Variants in SERINC2 observed in about 807,000 individuals in gnomAD.
SERINC2 encodes serine incorporator 2, also known as tumor differentially expressed protein 2.
In SERINC2, 56 loss-of-function variants were observed where a neutral mutation model predicts 54.2. That is an observed-to-expected ratio of 1.03 (90% CI 0.83 to 1.29). SERINC2 has a LOEUF of 1.29. Among genes scored for constraint, SERINC2 ranks in the 50% most tolerant of loss-of-function variants. SERINC2 has a pLI of 0.00. For missense variants in SERINC2, 614 were observed against 607.4 expected, an observed-to-expected ratio of 1.01 and a Z score of -0.12; for synonymous variants, 272 against 253.1, an observed-to-expected ratio of 1.07 and a Z score of -0.71.
At chr1:31,432,057 C>G (rs797034693) in intron 8 of SERINC2, among the ~76,000 whole-genome samples, 519 of 15,938 alleles carry the variant, frequency 0.033, 2 homozygotes, top group East Asian at 0.061. Context: ...ACAGGGTGGA[C>G]AGGGTGGACA....
chr1:31,429,212 G>A, intron 7 of SERINC2, 144 bp downstream of exon 7: 2 of 990,150 alleles, frequency 2.0e-6, no homozygotes, highest in Non-Finnish European at 3.1e-6. Flanking sequence ...GAGATGGGAG[G>A]GCCCCGTCTG....
chr1:31,422,218 G>A (rs1400556260), intron 1 of SERINC2, among the ~76,000 whole-genome samples: 5 of 151,048 alleles, frequency 3.3e-5, no homozygotes, highest in African/African-American at 9.7e-5. Context: ...AGGATGGCTT[G>A]AGCCCAGGAG....
intron 8 of SERINC2, among the ~76,000 whole-genome samples, chr1:31,431,823 T>TGGAC (rs1557499937): frequency 3.5e-5 from 1 of 28,450 alleles, no homozygotes; most frequent in Admixed American, 4.4e-4. Flanking sequence ...ACAGGGTGGA[T>TGGAC]AGGGTGGATA....
At chr1:31,427,782 T>A (rs547555291) in intron 6 of SERINC2, among the ~76,000 whole-genome samples, 21 of 151,182 alleles carry the variant, frequency 1.4e-4, no homozygotes, top group Non-Finnish European at 2.8e-4. Context: ...CCAGGCAGGC[T>A]GGCTCCAGAG....
chr1:31,423,854 G>A lies in SERINC2; in HGVS notation c.201G>A (p.Lys67=). 1 of 1,613,646 alleles carries A rather than the reference G, an allele frequency of 6.2e-7. No individual in the cohort carries two copies. Among genetic ancestry groups the A allele is most frequent in the Non-Finnish European group, 8.5e-7 (1 of 1,179,776 alleles). ...LSPGVESQLY[K]LPWVCEEGAG... ...CGGGCGTGGAGAGTCAGCTCTACAA[G>A]GTGAGTGCCCCAGGGGAGGCAGGGC... Residue 67 remains lysine, a splice_region_variant and synonymous_variant, in exon 2 of 10, where the codon AAG becomes AAA. Transcript: ENST00000373709.
intron 6 of SERINC2, 57 bp from the exon 7 acceptor site, chr1:31,428,921 G>C (rs767668320): frequency 4.8e-5 from 67 of 1,407,756 alleles, no homozygotes; most frequent in Non-Finnish European, 6.2e-5. Flanking sequence ...TGAGTGGGCT[G>C]GGTGGGGTGG....
chr1:31,423,158 G>A (rs76498600), intron 1 of SERINC2, among the ~76,000 whole-genome samples: 1 of 152,158 alleles, frequency 6.6e-6, no homozygotes. Flanking sequence ...AGCGGAGGCC[G>A]ACAAAACATA....
At chr1:31,425,713 C>T in intron 4 of SERINC2, 63 bp from the exon 5 acceptor site, 1 of 1,577,500 alleles carries the variant, frequency 6.3e-7, no homozygotes, top group South Asian at 1.2e-5. Context: ...GCAGAAAACG[C>T]TTGTTGAACG....
upstream of SERINC2, among the ~76,000 whole-genome samples, chr1:31,410,625 A>G (rs1232473467): frequency 1.3e-5 from 2 of 152,198 alleles, no homozygotes; most frequent in Non-Finnish European, 2.9e-5. Context: ...CTTATTTCTG[A>G]GAGTGTCTTT....
intron 6 of SERINC2, among the ~76,000 whole-genome samples, chr1:31,428,319 C>T (rs1278828933): frequency 1.3e-5 from 2 of 152,206 alleles, no homozygotes; most frequent in Non-Finnish European, 2.9e-5. Context: ...GGATTACAGG[C>T]ATGAGCCGCC....
At chr1:31,426,524 T>C in intron 5 of SERINC2, 130 bp from the exon 6 acceptor site, 1 of 688,962 alleles carries the variant, frequency 1.5e-6, no homozygotes, top group Non-Finnish European at 2.4e-6. Flanking sequence ...GGCAGTGACG[T>C]CATTCTTCAA....
At position 31,424,715 on chromosome 1, in the gene SERINC2, C is replaced by A; in HGVS notation, c.234C>A (p.Ile78=). The change falls in exon 3 of 10, where the codon ATC becomes ATA. Residue 78 remains isoleucine (I), a synonymous_variant. Transcript: ENST00000373709. Reference sequence around the variant, plus strand: ...GGGTGTGTGAGGAGGGGGCCGGGATCCCCACCGTCCTGCAGGGCCACATCG... The same window carrying A: ...GGGTGTGTGAGGAGGGGGCCGGGATACCCACCGTCCTGCAGGGCCACATCG... ...LPWVCEEGAG[I]PTVLQGHIDC... 1 of 1,606,358 alleles carries A rather than the reference C, an allele frequency of 6.2e-7. No individual in the cohort carries two copies. Among genetic ancestry groups the A allele is most frequent in the Admixed American group, 1.7e-5 (1 of 58,828 alleles).
Position 31,423,858 on chromosome 1 carries a change from A to C in SERINC2, c.201+4A>C. 1 of 1,613,412 alleles carries C rather than the reference A, an allele frequency of 6.2e-7. No individual in the cohort carries two copies. Among genetic ancestry groups the C allele is most frequent in the Non-Finnish European group, 8.5e-7 (1 of 1,179,648 alleles). On this transcript the variant is annotated splice_donor_region_variant and intron_variant, in intron 2 of 9. Transcript: ENST00000373709. ...CGTGGAGAGTCAGCTCTACAAGGTG[A>C]GTGCCCCAGGGGAGGCAGGGCGGCC...
intron 6 of SERINC2, among the ~76,000 whole-genome samples, chr1:31,428,189 G>A (rs1553133891): frequency 2.6e-5 from 4 of 152,070 alleles, no homozygotes; most frequent in African/African-American, 4.8e-5. Flanking sequence ...ACAGGCACCC[G>A]CCACCACACC....
At position 31,426,843 on chromosome 1, in the gene SERINC2, C is replaced by G. The variant is rs529163504; in HGVS notation, c.780+20C>G. 2.1e-5 allele frequency: 33 copies of G among 1,608,166 alleles called. No individual in the cohort carries two copies. The highest frequency in any genetic ancestry group is 8.9e-5 in the East Asian group (4 of 44,742). On this transcript the variant is annotated intron_variant, in intron 6 of 9. Transcript: ENST00000373709. ...GTCCAGGTGAGCCTGCCTGACCCCC[C>G]CTGGCCTGAAGCCCGGCCCCTTAGT...
At chr1:31,433,929 G>A in intron 9 of SERINC2, 135 bp from the exon 10 acceptor site, 2 of 869,226 alleles carry the variant, frequency 2.3e-6, no homozygotes, top group Admixed American at 2.2e-5. Context: ...TGTTAAAAAT[G>A]TCAGAGATGG....
intron 8 of SERINC2, among the ~76,000 whole-genome samples, chr1:31,432,514 A>G (rs1285681624): frequency 2.6e-5 from 4 of 152,110 alleles, no homozygotes; most frequent in African/African-American, 9.7e-5. Flanking sequence ...TCAATGGCAA[A>G]TGAGCGTGAT....
rs201577467 is a variant in SERINC2 at position 31,425,423 on chromosome 1, G to A, written c.472+14G>A. 211 of 1,587,434 alleles carry A rather than the reference G, an allele frequency of 1.3e-4. No homozygotes were observed. In the African/African-American group the frequency reaches 2.6e-3, roughly 19 times the overall value. ...CCTTCACCAACAGTAGGCGGACTTG[G>A]CAGGAGGCATGGGGGGCTGTGGGGA... On this transcript the variant is annotated intron_variant, in intron 4 of 9. Transcript: ENST00000373709.
intron 2 of SERINC2, 151 bp downstream of exon 2, chr1:31,424,005 A>C: frequency 1.4e-6 from 1 of 701,872 alleles, no homozygotes; most frequent in Non-Finnish European, 2.4e-6. Context: ...TGAGGGGAGG[A>C]GGGCTTGAGC....
Sources: allele counts gnomAD v4.1 joint callset (sites outside exome capture counted in the v4.1 genomes callset), GRCh38; gene constraint gnomAD v4.1.1; transcripts MANE v1.5; gene names NCBI Gene and HGNC (gene_info 2026-07-23, HGNC 2026-07-21).